CIRSR: variants seen among roughly 807,000 people sequenced by gnomAD.
CIRSR encodes the protein CBF1 (RBPJ) interacting corepressor 1.
chr2:174,372,320 C>T, the CIRSR span, among the ~76,000 whole-genome samples: 5 of 152,046 alleles, frequency 3.3e-5, no homozygotes, highest in African/African-American at 1.2e-4. Context: ...GCAAGTAATC[C>T]TACCACCCAG....
chr2:174,377,205 A>T, the CIRSR span, among the ~76,000 whole-genome samples: 2 of 152,236 alleles, frequency 1.3e-5, no homozygotes, highest in Non-Finnish European at 2.9e-5. Flanking sequence ...AACAGGTTAT[A>T]CTTGCAGATA....
At chr2:174,350,672 T>G in the CIRSR span, 1 of 1,601,564 alleles carries the variant, frequency 6.2e-7, no homozygotes, top group Non-Finnish European at 8.5e-7. Flanking sequence ...GAGAAGTTTC[T>G]GTTTTTGTTT....
At chr2:174,366,117 G>A in the CIRSR span, among the ~76,000 whole-genome samples, 2 of 152,116 alleles carry the variant, frequency 1.3e-5, no homozygotes, top group South Asian at 2.1e-4. Flanking sequence ...GGGCTCCTCA[G>A]GAGGAAGGAA....
the CIRSR span, among the ~76,000 whole-genome samples, chr2:174,382,570 C>T: frequency 6.6e-6 from 1 of 151,938 alleles, no homozygotes; most frequent in Non-Finnish European, 1.5e-5. Flanking sequence ...ATGTGGGAGG[C>T]GGAGGTTGCA....
At chr2:174,384,579 A>T in the CIRSR span, among the ~76,000 whole-genome samples, 1 of 151,974 alleles carries the variant, frequency 6.6e-6, no homozygotes, top group Non-Finnish European at 1.5e-5. Flanking sequence ...TTTTTTATTT[A>T]TTTCTCTTTG....
chr2:174,376,686 T>C, the CIRSR span, among the ~76,000 whole-genome samples: 1 of 151,160 alleles, frequency 6.6e-6, no homozygotes, highest in Non-Finnish European at 1.5e-5. Context: ...TAGTCCCAGC[T>C]ACTCGGGAGG....
At chr2:174,354,538 A>T in the CIRSR span, among the ~76,000 whole-genome samples, 30 of 59,056 alleles carry the variant, frequency 5.1e-4, no homozygotes, top group Middle Eastern at 8.6e-3. Flanking sequence ...TATATTATAT[A>T]ATATATATTA....
chr2:174,357,106 T>C, the CIRSR span, among the ~76,000 whole-genome samples: 245 of 152,334 alleles, frequency 1.6e-3, no homozygotes, highest in African/African-American at 5.5e-3. Context: ...TTGTATTTGA[T>C]TTATAGATCT....
the CIRSR span, among the ~76,000 whole-genome samples, chr2:174,391,874 T>C: frequency 6.6e-6 from 1 of 152,164 alleles, no homozygotes; most frequent in Admixed American, 6.5e-5. Flanking sequence ...AGACCACAGA[T>C]TGCATGATTC....
chr2:174,361,884 A>G, the CIRSR span, among the ~76,000 whole-genome samples: 1 of 152,232 alleles, frequency 6.6e-6, no homozygotes, highest in Admixed American at 6.5e-5. Flanking sequence ...TTGTATATGT[A>G]TAGTGTATCT....
the CIRSR span, among the ~76,000 whole-genome samples, chr2:174,376,801 GAAA>G: frequency 9.4e-5 from 10 of 106,936 alleles, no homozygotes; most frequent in Non-Finnish European, 1.1e-4. Context: ...CTGTCTCAGG[GAAA>G]AAAAAAAAAA....
chr2:174,373,764 T>TAA, the CIRSR span, among the ~76,000 whole-genome samples: 2 of 130,290 alleles, frequency 1.5e-5, no homozygotes, highest in Admixed American at 7.7e-5. Context: ...TCCCTCACCT[T>TAA]AAAAAAAAAA....
the CIRSR span, among the ~76,000 whole-genome samples, chr2:174,362,685 TCAAAAA>T: frequency 1.9e-4 from 16 of 83,960 alleles, 1 homozygote; most frequent in East Asian, 6.4e-4. Context: ...AGACTCTGCC[TCAAAAA>T]AAAAAAAAAA....
At chr2:174,366,105 A>G in the CIRSR span, among the ~76,000 whole-genome samples, 1 of 152,212 alleles carries the variant, frequency 6.6e-6, no homozygotes, top group Admixed American at 6.5e-5. Context: ...AATGCCTTTG[A>G]CGGGCTCCTC....
At chr2:174,367,558 A>G in the CIRSR span, among the ~76,000 whole-genome samples, 1 of 151,806 alleles carries the variant, frequency 6.6e-6, no homozygotes. Context: ...CCAGCTGGGC[A>G]ACAGACCGAG....
chr2:174,368,767 G>A, the CIRSR span, among the ~76,000 whole-genome samples: 1 of 152,224 alleles, frequency 6.6e-6, no homozygotes, highest in African/African-American at 2.4e-5. Context: ...TAGGTGCATT[G>A]TAAATGAGCA....
chr2:174,371,076 C>T, the CIRSR span, among the ~76,000 whole-genome samples: 3 of 152,064 alleles, frequency 2.0e-5, no homozygotes, highest in African/African-American at 4.8e-5. Context: ...ATAAAAAGTA[C>T]AGAGTAGGCA....
At chr2:174,364,801 A>C in the CIRSR span, among the ~76,000 whole-genome samples, 39 of 152,192 alleles carry the variant, frequency 2.6e-4, no homozygotes, top group African/African-American at 9.2e-4. Context: ...TGCACACAGC[A>C]CAGAACCCTG....
the CIRSR span, chr2:174,380,296 A>T: frequency 1.4e-6 from 2 of 1,409,018 alleles, no homozygotes; most frequent in Admixed American, 2.3e-5. Flanking sequence ...AGAATAATTT[A>T]AAAAATTAAA....
Sources: allele counts gnomAD v4.1 joint callset (sites outside exome capture counted in the v4.1 genomes callset), GRCh38; gene constraint gnomAD v4.1.1; transcripts MANE v1.5; gene names NCBI Gene and HGNC (gene_info 2026-07-23, HGNC 2026-07-21).